The following RADX variants were observed in gnomAD, a reference collection of about 807,000 sequenced individuals.
RADX encodes the protein RPA-related protein RADX.
In RADX, 36 loss-of-function variants were observed where a neutral mutation model predicts 61.6. That is an observed-to-expected ratio of 0.58 (90% CI 0.45 to 0.77). The LOEUF is 0.77. Among genes scored for constraint, RADX ranks in the 30% least tolerant of loss-of-function variants. RADX has a pLI of 0.00. For synonymous variants in RADX, 272 were observed against 237.9 expected (o/e 1.14, Z -1.32); for missense variants, 497 against 651.1 (o/e 0.76, Z 2.58).
intron 11 of RADX, among the ~76,000 whole-genome samples, chrX:106,656,493 G>A (rs1341037350): frequency 8.9e-6 from 1 of 112,090 alleles, no homozygotes; most frequent in African/African-American, 3.2e-5. Context: ...GAGGTTTTCA[G>A]TTTTCACTTT....
chrX:106,678,099 A>G (rs1464845975), intron 13 of RADX, 29 bp from the exon 14 acceptor site: 2 of 1,050,140 alleles, frequency 1.9e-6, no homozygotes, highest in Admixed American at 2.5e-5. Context: ...ACTATTTTAC[A>G]GTACTTACCA....
chrX:106,663,239 A>C (rs1180200074), intron 12 of RADX, among the ~76,000 whole-genome samples: 1 of 111,575 alleles, frequency 9.0e-6, no homozygotes, highest in Non-Finnish European at 1.9e-5. Flanking sequence ...GACCTTTATC[A>C]AGATTCTCTT....
intron 10 of RADX, among the ~76,000 whole-genome samples, chrX:106,641,934 G>A (rs763490454): frequency 9.0e-6 from 1 of 111,599 alleles, no homozygotes; most frequent in Non-Finnish European, 1.9e-5. Flanking sequence ...GGAAGTTTTG[G>A]TTTCTTTAAA....
At chrX:106,662,942 G>A (rs1329337985) in intron 12 of RADX, among the ~76,000 whole-genome samples, 3 of 106,758 alleles carry the variant, frequency 2.8e-5, no homozygotes, top group African/African-American at 6.8e-5. Context: ...TTTTTGTTTC[G>A]GAAAGATGAA....
chrX:106,675,727 T>G (rs889103545), intron 13 of RADX, among the ~76,000 whole-genome samples: 1 of 112,506 alleles, frequency 8.9e-6, no homozygotes, highest in African/African-American at 3.2e-5. Flanking sequence ...ATAATTTTTG[T>G]AATTCTAGCA....
intron 13 of RADX, among the ~76,000 whole-genome samples, chrX:106,674,356 A>G (rs1928450626): frequency 8.9e-6 from 1 of 111,733 alleles, no homozygotes; most frequent in South Asian, 3.8e-4. Flanking sequence ...CTTTTTGAGG[A>G]ACTGCCAAGC....
intron 11 of RADX, among the ~76,000 whole-genome samples, chrX:106,659,339 A>T (rs1022986495): frequency 1.8e-5 from 2 of 111,698 alleles, no homozygotes; most frequent in African/African-American, 6.5e-5. Flanking sequence ...AAAATTCACG[A>T]TGCCTACGTA....
At chrX:106,641,500 C>T (rs1269049369) in intron 10 of RADX, among the ~76,000 whole-genome samples, 2 of 111,266 alleles carry the variant, frequency 1.8e-5, no homozygotes, top group African/African-American at 6.5e-5. Context: ...GTCCAGAATA[C>T]AGTGATGAGA....
At chrX:106,636,689 T>G (rs200121581) in intron 7 of RADX, 42 bp downstream of exon 7, 122 of 780,664 alleles carry the variant, frequency 1.6e-4, no homozygotes, top group Non-Finnish European at 2.2e-4. Context: ...ATATATTTTC[T>G]CTTCCCTAGA....
chrX:106,657,350 T>C (rs1201802763), intron 11 of RADX, among the ~76,000 whole-genome samples: 3 of 112,368 alleles, frequency 2.7e-5, no homozygotes, highest in East Asian at 5.6e-4. Flanking sequence ...CATGATATTC[T>C]ATTCAGACCA....
At position 106,614,371 on chromosome X, in the gene RADX, G is replaced by A. The variant is rs1407988900; in HGVS notation, c.643+1648G>A. ...CTGTACATACAATATTCCATAGCAT[G>A]GGTGTGCCATAATTTCTATAATCAT... is the stretch of plus-strand genomic sequence containing the variant. On this transcript the variant is annotated intron_variant, in intron 1 of 13. Transcript: ENST00000372548. Among the ~76,000 whole-genome samples the A allele has an allele frequency of 2.7e-5, 3 of 111,644 alleles. No individual in the cohort carries two copies. In the Admixed American group the frequency reaches 2.8e-4, roughly 11 times the overall value.
chrX:106,657,182 T>G (rs1449287011), intron 11 of RADX, among the ~76,000 whole-genome samples: 1 of 112,398 alleles, frequency 8.9e-6, no homozygotes, highest in Non-Finnish European at 1.9e-5. Flanking sequence ...GTTATGGAGA[T>G]AGCTTCTTTC....
chrX:106,673,676 C>T (rs1468323237), intron 13 of RADX, among the ~76,000 whole-genome samples: 3 of 102,835 alleles, frequency 2.9e-5, no homozygotes, highest in African/African-American at 1.2e-4. Context: ...TGTCTCCCCC[C>T]CATCCCCCCC....
rs764992265 is a variant in RADX, at chrX:106,633,834, A to G, written c.1303+582A>G. Among the ~76,000 whole-genome samples, 3 of 111,837 alleles carry G rather than the reference A, an allele frequency of 2.7e-5. No individual in the cohort carries two copies. In the South Asian group the frequency reaches 1.1e-3, roughly 41 times the overall value. On this transcript the variant is annotated intron_variant, in intron 6 of 13. Transcript: ENST00000372548. Reference sequence around the variant, plus strand: ...TAAAAGTATTTTTTCCACTAGTTTTATTTATTTGAAATTATTTTAGGTTTG... The same window carrying G: ...TAAAAGTATTTTTTCCACTAGTTTTGTTTATTTGAAATTATTTTAGGTTTG...
chrX:106,642,161 A>C (rs1258257794), intron 10 of RADX, among the ~76,000 whole-genome samples: 1 of 111,147 alleles, frequency 9.0e-6, no homozygotes, highest in Non-Finnish European at 1.9e-5. Context: ...ATGGGGGTAC[A>C]TGAGATGTTT....
Position 106,678,290 on chromosome X carries a change from C to A in RADX, c.*32C>A, listed in dbSNP as rs751759460. 9.8e-7 allele frequency: 1 copy of A among 1,017,967 alleles called. No individual in the cohort carries two copies. Among genetic ancestry groups the A allele is most frequent in the Non-Finnish European group, 1.4e-6 (1 of 731,904 alleles). The allele number at this position is 1,017,967 out of a possible 1,213,427, so 83.9% of individuals were successfully genotyped here. The stretch of plus-strand genomic sequence containing the variant: ...GCAAATGAAATTATTACAGATTATA[C>A]GAGTGTACTGCTTTAAAGATATTCC... On this transcript the variant is annotated 3_prime_UTR_variant, in exon 14 of 14. Coordinates refer to ENST00000372548, the MANE Select transcript of RADX (RefSeq NM_018015.6).
chrX:106,661,878 A>G (rs1037688920), intron 11 of RADX, 137 bp from the exon 12 acceptor site: 1 of 445,496 alleles, frequency 2.2e-6, no homozygotes, highest in African/African-American at 2.4e-5. Flanking sequence ...TATTCATTTT[A>G]TATTTTGTAG....
chrX:106,635,110 G>C (rs1364532150), intron 6 of RADX, among the ~76,000 whole-genome samples: 1 of 111,359 alleles, frequency 9.0e-6, no homozygotes, highest in Admixed American at 9.5e-5. Flanking sequence ...AAGTCTTCAG[G>C]AATAATACCA....
chrX:106,646,654 G>A (rs1393625599), intron 10 of RADX, among the ~76,000 whole-genome samples: 2 of 110,866 alleles, frequency 1.8e-5, no homozygotes, highest in African/African-American at 6.5e-5. Context: ...TGAAGGATGA[G>A]TAAGAGTTAA....
Sources: allele counts gnomAD v4.1 joint callset (sites outside exome capture counted in the v4.1 genomes callset), GRCh38; gene constraint gnomAD v4.1.1; transcripts MANE v1.5; gene names NCBI Gene and HGNC (gene_info 2026-07-23, HGNC 2026-07-21).